SH3RF3: variants seen among roughly 807,000 people sequenced by gnomAD.
The protein encoded by SH3RF3 is E3 ubiquitin-protein ligase SH3RF3.
In SH3RF3, 29 loss-of-function variants were observed where a neutral mutation model predicts 66.3. That is an observed-to-expected ratio of 0.44 (90% CI 0.33 to 0.60). The LOEUF is 0.60. Among genes scored for constraint, SH3RF3 ranks in the 20% least tolerant of loss-of-function variants. SH3RF3 has a pLI of 0.04. For synonymous variants in SH3RF3, 583 were observed against 532.0 expected (o/e 1.10, Z -1.32); for missense variants, 1,194 against 1,190.9 (o/e 1.00, Z -0.04).
At chr2:109,220,477 G>C (rs1679204924) in intron 1 of SH3RF3, among the ~76,000 whole-genome samples, 1 of 152,186 alleles carries the variant, frequency 6.6e-6, no homozygotes, top group Non-Finnish European at 1.5e-5. Context: ...ACCATCAAGA[G>C]AGTGAAAAGA....
At position 109,239,442 on chromosome 2, in the gene SH3RF3, C is replaced by T. The variant is rs529020885; in HGVS notation, c.574-108232C>T. On this transcript the variant is annotated intron_variant, in intron 1 of 9. Coordinates refer to ENST00000309415, the MANE Select transcript of SH3RF3 (RefSeq NM_001099289.3). ...TTTCTAGTGAAAATTGGGGTCTTCC[C>T]TGCTCCTTGCCTCCAATCAAGTAAA... Among the ~76,000 whole-genome samples, 16 of 152,316 alleles carry T rather than the reference C, an allele frequency of 1.1e-4. No homozygotes were observed. The South Asian group carries it at 3.3e-3, about 32-fold the overall frequency.
Position 109,246,194 on chromosome 2 carries a change from A to G in SH3RF3, c.574-101480A>G, listed in dbSNP as rs559454470. Among the ~76,000 whole-genome samples, 165 of 152,356 alleles carry G rather than the reference A, an allele frequency of 1.1e-3. 1 individual carries two copies. Among genetic ancestry groups the G allele is most frequent in the African/African-American group, 3.8e-3 (156 of 41,592 alleles). ...TGCCTTAGGCTTTTCAAGCTGCTGTAACAAAATACCGTAAACGCAGTGGTT... is the reference window on the plus strand; with the variant it reads ...TGCCTTAGGCTTTTCAAGCTGCTGTGACAAAATACCGTAAACGCAGTGGTT... On this transcript the variant is annotated intron_variant, in intron 1 of 9. Coordinates refer to ENST00000309415, the MANE Select transcript of SH3RF3 (RefSeq NM_001099289.3).
rs1465711002 is a variant in SH3RF3 at position 109,449,498 on chromosome 2, C to T, written c.2148+9C>T. On this transcript the variant is annotated intron_variant, in intron 8 of 9. Coordinates refer to ENST00000309415, the MANE Select transcript of SH3RF3 (RefSeq NM_001099289.3). ...AGAAGAAAAGTGAAAAGGTAAGAGG[C>T]CCATCCTGGACGAGCCCTGGGCTCG... 2 of 1,612,988 alleles carry T rather than the reference C, an allele frequency of 1.2e-6. No individual in the cohort carries two copies. Among genetic ancestry groups the T allele is most frequent in the Admixed American group, 3.3e-5 (2 of 59,890 alleles).
At chr2:109,150,689 T>C (rs1382606638) in intron 1 of SH3RF3, among the ~76,000 whole-genome samples, 1 of 152,008 alleles carries the variant, frequency 6.6e-6, no homozygotes, top group Non-Finnish European at 1.5e-5. Context: ...TCTACATTTC[T>C]GGGGGATTGG....
chr2:109,482,032 T>C (rs116148886), intron 8 of SH3RF3, among the ~76,000 whole-genome samples: 1,624 of 152,320 alleles, frequency 0.011, 33 homozygotes, highest in African/African-American at 0.037. Flanking sequence ...GTACTGGGGT[T>C]ATGTGCATTG....
At chr2:109,296,352 C>T (rs1197900267) in intron 1 of SH3RF3, among the ~76,000 whole-genome samples, 3 of 151,964 alleles carry the variant, frequency 2.0e-5, no homozygotes, top group South Asian at 2.1e-4. Context: ...CTCAGCCTCC[C>T]GAGTAGCTGG....
intron 1 of SH3RF3, among the ~76,000 whole-genome samples, chr2:109,295,805 G>A (rs554806368): frequency 4.6e-5 from 7 of 152,254 alleles, no homozygotes; most frequent in Admixed American, 3.9e-4. Context: ...CCGGCTTTAC[G>A]GATGGCTGCA....
chr2:109,433,244 C>T (rs1305634028), intron 6 of SH3RF3, among the ~76,000 whole-genome samples: 2 of 152,242 alleles, frequency 1.3e-5, no homozygotes, highest in Non-Finnish European at 2.9e-5. Context: ...ATATGTAAAA[C>T]ACTATATACA....
chr2:109,141,857 G>A (rs1676957592), intron 1 of SH3RF3, among the ~76,000 whole-genome samples: 1 of 151,998 alleles, frequency 6.6e-6, no homozygotes, highest in African/African-American at 2.4e-5. Context: ...TCACCCATGG[G>A]ACCCCCCAGA....
At chr2:109,378,519 T>C (rs967027731) in intron 3 of SH3RF3, among the ~76,000 whole-genome samples, 3 of 152,332 alleles carry the variant, frequency 2.0e-5, no homozygotes, top group Middle Eastern at 6.8e-3. Flanking sequence ...TTTCTTTGCA[T>C]GCCTGGTAAT....
intron 2 of SH3RF3, among the ~76,000 whole-genome samples, chr2:109,358,774 A>G (rs549831528): frequency 1.9e-4 from 29 of 152,304 alleles, no homozygotes; most frequent in African/African-American, 6.3e-4. Context: ...CAGAGTACAA[A>G]TTACTAATTT....
intron 1 of SH3RF3, among the ~76,000 whole-genome samples, chr2:109,213,328 C>T (rs949448611): frequency 3.9e-5 from 6 of 152,262 alleles, no homozygotes; most frequent in Middle Eastern, 3.4e-3. Flanking sequence ...GTACGCCAAA[C>T]GCAGCCCGGG....
At chr2:109,339,387 G>T (rs2105521190) in intron 1 of SH3RF3, among the ~76,000 whole-genome samples, 1 of 152,240 alleles carries the variant, frequency 6.6e-6, no homozygotes, top group Admixed American at 6.5e-5. Flanking sequence ...GGAATCCTCT[G>T]CCTTTAGTCC....
intron 1 of SH3RF3, among the ~76,000 whole-genome samples, chr2:109,307,126 A>T (rs926491659): frequency 3.3e-5 from 5 of 152,202 alleles, no homozygotes; most frequent in African/African-American, 7.2e-5. Context: ...CTTGAAATTA[A>T]AAAAATAAAA....
Position 109,501,871 on chromosome 2 carries a change from C to G in SH3RF3, c.*200C>G. 1.8e-6 allele frequency: 1 copy of G among 552,948 alleles called. No individual in the cohort carries two copies. The highest frequency in any genetic ancestry group is 3.2e-6 in the Non-Finnish European group (1 of 309,774). 34.3% of individuals were successfully genotyped at this position (552,948 alleles called of 1,614,324 possible). The stretch of plus-strand genomic sequence containing the variant: ...CAAAACCCCCAAACGGAGAGCACAC[C>G]TGGGATGTTCTTCAAGGAAATGCCC... On this transcript the variant is annotated 3_prime_UTR_variant, in exon 10 of 10. Transcript: ENST00000309415.
At chr2:109,473,486 A>C (rs1678583212) in intron 8 of SH3RF3, among the ~76,000 whole-genome samples, 1 of 152,180 alleles carries the variant, frequency 6.6e-6, no homozygotes, top group Non-Finnish European at 1.5e-5. Context: ...TAGCAGATAT[A>C]GGTGATAAAG....
At chr2:109,372,265 G>T (rs1056610686) in intron 3 of SH3RF3, among the ~76,000 whole-genome samples, 1 of 152,172 alleles carries the variant, frequency 6.6e-6, no homozygotes, top group African/African-American at 2.4e-5. Context: ...TAGTGAGTAC[G>T]TTTAGGGTAG....
intron 3 of SH3RF3, among the ~76,000 whole-genome samples, chr2:109,387,811 G>A (rs571953599): frequency 6.6e-6 from 1 of 152,156 alleles, no homozygotes; most frequent in African/African-American, 2.4e-5. Context: ...GCCTGCAGTA[G>A]GTGCCCAATT....
At chr2:109,367,512 C>G (rs1217439935) in intron 2 of SH3RF3, among the ~76,000 whole-genome samples, 1 of 151,942 alleles carries the variant, frequency 6.6e-6, no homozygotes, top group East Asian at 1.9e-4. Context: ...GAACTCCTGA[C>G]CTCAGGTGAT....
Sources: allele counts gnomAD v4.1 joint callset (sites outside exome capture counted in the v4.1 genomes callset), GRCh38; gene constraint gnomAD v4.1.1; transcripts MANE v1.5; gene names NCBI Gene and HGNC (gene_info 2026-07-23, HGNC 2026-07-21).